Variants in FAF2 observed in about 807,000 individuals in gnomAD.
FAF2 encodes Fas associated factor family member 2.
A neutral mutation model predicts 62.3 loss-of-function variants in FAF2; 9 were observed. The ratio of observed to expected loss-of-function variants is 0.14; its 90% CI spans 0.09 to 0.25. FAF2 has a LOEUF of 0.25. Ranked by LOEUF, FAF2 falls within the 10% of genes least tolerant of loss-of-function variation. The probability of loss-of-function intolerance (pLI) is 1.00; values close to 1 mark genes in which losing one functional copy is unlikely to be tolerated. For missense variants in FAF2, 368 were observed against 556.2 expected (o/e 0.66, Z 3.40); for synonymous variants, 202 against 198.0 (o/e 1.02, Z -0.17).
chr5:176,466,062 G>T (rs2033198), intron 1 of FAF2, among the ~76,000 whole-genome samples: 1 of 152,120 alleles, frequency 6.6e-6, no homozygotes, highest in Non-Finnish European at 1.5e-5. Context: ...TACAGTATCT[G>T]TTTTATTACA....
chr5:176,499,003 A>G lies in FAF2; in HGVS notation c.929A>G (p.Lys310Arg). 2.5e-6 allele frequency: 4 copies of G among 1,613,764 alleles called. No individual in the cohort carries two copies. The highest frequency in any genetic ancestry group is 1.1e-5 in the South Asian group (1 of 91,040). Reference protein sequence around the residue: ...SLRADQEKERKKREERERKRR... With the variant: ...SLRADQEKERRKREERERKRR... ...AGAGCTGACCAGGAGAAAGAAAGAAAGAAACGGGAGGAGCGGGAGCGTAAG... is the reference window on the plus strand; with the variant it reads ...AGAGCTGACCAGGAGAAAGAAAGAAGGAAACGGGAGGAGCGGGAGCGTAAG... Residue 310 changes from lysine to arginine, a missense_variant, in exon 9 of 11, where the codon AAG becomes AGG. Lys to Arg is a conservative substitution (Grantham distance 26). Around this residue, in one of 2 missense-constraint regions of FAF2, gnomAD observed 331 missense variants for 441.9 expected, o/e 0.75. Transcript: ENST00000261942.
intron 1 of FAF2, among the ~76,000 whole-genome samples, chr5:176,471,990 C>T (rs892446303): frequency 1.3e-5 from 2 of 151,048 alleles, no homozygotes; most frequent in South Asian, 2.1e-4. Context: ...CCTATCTGTA[C>T]ATTCTCATCA....
chr5:176,464,321 T>G (rs922865881), intron 1 of FAF2, among the ~76,000 whole-genome samples: 1 of 152,162 alleles, frequency 6.6e-6, no homozygotes, highest in Non-Finnish European at 1.5e-5. Flanking sequence ...ATGTGGTATT[T>G]ATGTATATTC....
chr5:176,448,854 C>G (rs563156141), intron 1 of FAF2, among the ~76,000 whole-genome samples: 20 of 152,322 alleles, frequency 1.3e-4, no homozygotes, highest in African/African-American at 4.3e-4. Context: ...TTTCGGGTCT[C>G]TGACAGGAAA....
intron 1 of FAF2, among the ~76,000 whole-genome samples, chr5:176,469,893 AAG>A (rs986300579): frequency 1.3e-5 from 2 of 152,300 alleles, no homozygotes; most frequent in Admixed American, 6.5e-5. Flanking sequence ...AAATATCTGA[AAG>A]AGAGGAGTCT....
Position 176,507,359 on chromosome 5 carries a change from C to A in FAF2, c.*409C>A, listed in dbSNP as rs1450640537. 2 of 451,788 alleles carry A rather than the reference C, an allele frequency of 4.4e-6. No homozygotes were observed. Among genetic ancestry groups the A allele is most frequent in the Non-Finnish European group, 8.9e-6 (2 of 224,682 alleles). The allele number at this position is 451,788 out of a possible 1,614,324, so 28.0% of individuals were successfully genotyped here. ...AAAACCTCCATCAACCAGCTACTTG[C>A]AGCATCTCCTGAGGACTTGCTTCTC... On this transcript the variant is annotated 3_prime_UTR_variant, in exon 11 of 11. Coordinates refer to ENST00000261942, the MANE Select transcript of FAF2 (RefSeq NM_014613.3).
chr5:176,490,459 T>C (rs962897975), intron 4 of FAF2, among the ~76,000 whole-genome samples: 3 of 152,174 alleles, frequency 2.0e-5, no homozygotes, highest in Non-Finnish European at 4.4e-5. Context: ...GGAGCTGGGA[T>C]ATGTAGTCTG....
intron 1 of FAF2, among the ~76,000 whole-genome samples, chr5:176,449,315 G>A (rs536875862): frequency 2.0e-5 from 3 of 152,296 alleles, no homozygotes; most frequent in South Asian, 2.1e-4. Flanking sequence ...GGTGGCTCAC[G>A]CCTGTAATCC....
At chr5:176,452,239 G>A (rs1758200888) in intron 1 of FAF2, among the ~76,000 whole-genome samples, 1 of 151,822 alleles carries the variant, frequency 6.6e-6, no homozygotes, top group South Asian at 2.1e-4. Context: ...TGTATTTTTA[G>A]TACAGACAAG....
chr5:176,501,000 G>T (rs762977918), intron 10 of FAF2, among the ~76,000 whole-genome samples: 1 of 152,076 alleles, frequency 6.6e-6, no homozygotes, highest in Non-Finnish European at 1.5e-5. Flanking sequence ...GGTGGCACGT[G>T]CCTGTAATCC....
At chr5:176,448,670 G>A (rs1758112578) in intron 1 of FAF2, among the ~76,000 whole-genome samples, 200 bp downstream of exon 1, 1 of 151,820 alleles carries the variant, frequency 6.6e-6, no homozygotes, top group Non-Finnish European at 1.5e-5. Context: ...CATCGCTGCG[G>A]GCAGACCCGC....
At position 176,483,064 on chromosome 5, in the gene FAF2, A is replaced by AT. The variant is rs973437412; in HGVS notation, c.133-3283dup. On this transcript the variant is annotated intron_variant, in intron 2 of 10. Transcript: ENST00000261942. ...TTTTTTATTTATTTTTATTTATTTT[A>AT]TTTTTTTTGAGAGATGGAGTCTTGG... Among the ~76,000 whole-genome samples the AT allele has an allele frequency of 1.1e-4, 16 of 149,602 alleles. No individual in the cohort carries two copies. In the East Asian group the frequency reaches 1.6e-3, roughly 15 times the overall value.
chr5:176,480,255 TA>T (rs1484135813), intron 2 of FAF2, among the ~76,000 whole-genome samples: 1 of 152,152 alleles, frequency 6.6e-6, no homozygotes, highest in Non-Finnish European at 1.5e-5. Flanking sequence ...TATGCTATTT[TA>T]AAAGGGTGCT....
Position 176,494,204 on chromosome 5 carries a change from AAG to A in FAF2, c.591_592del (p.Glu197AspfsTer8). The A allele has an allele frequency of 6.2e-7, 1 of 1,614,146 alleles. No individual in the cohort carries two copies. Among genetic ancestry groups the A allele is most frequent in the Non-Finnish European group, 8.5e-7 (1 of 1,180,010 alleles). ...CACAGCAACACACTCTGTGCACCTG[AAG>A]TTATTTCACTAATAAACACTAGGAT... On this transcript the variant is annotated frameshift_variant, in exon 7 of 11. Coordinates refer to ENST00000261942, the MANE Select transcript of FAF2 (RefSeq NM_014613.3). LOFTEE classifies it high-confidence loss of function. The surrounding 1 kb of genome is among the most constrained non-coding windows in gnomAD (Gnocchi z 4.0).
chr5:176,483,900 C>T (rs1383426404), intron 2 of FAF2, among the ~76,000 whole-genome samples: 2 of 151,980 alleles, frequency 1.3e-5, no homozygotes, highest in African/African-American at 4.8e-5. Flanking sequence ...CATCGTGAAA[C>T]CCCATCGCTA....
At chr5:176,506,180 G>A (rs1228781785) in intron 10 of FAF2, among the ~76,000 whole-genome samples, 1 of 143,800 alleles carries the variant, frequency 7.0e-6, no homozygotes, top group Non-Finnish European at 1.5e-5. Context: ...GGGCAACAGA[G>A]CGAGACTCTC....
At position 176,450,718 on chromosome 5, in the gene FAF2, G is replaced by C. The variant is rs541863230; in HGVS notation, c.63+2248G>C. On this transcript the variant is annotated intron_variant, in intron 1 of 10. Coordinates refer to ENST00000261942, the MANE Select transcript of FAF2 (RefSeq NM_014613.3). ...ACAGGCACGCGCCACCACATCCAGC[G>C]AATTTTTTGTATTTTTAGTAGAGAC... is the stretch of plus-strand genomic sequence containing the variant. Among the ~76,000 whole-genome samples, 8 of 152,060 alleles carry C rather than the reference G, an allele frequency of 5.3e-5. No homozygotes were observed. In the South Asian group the frequency reaches 1.7e-3, roughly 32 times the overall value.
intron 10 of FAF2, among the ~76,000 whole-genome samples, chr5:176,504,739 A>G (rs1452926916): frequency 6.6e-6 from 1 of 152,226 alleles, no homozygotes; most frequent in East Asian, 1.9e-4. Flanking sequence ...CTAAAATATG[A>G]GAAGTTTATA....
At chr5:176,473,239 A>G (rs544516146) in intron 1 of FAF2, among the ~76,000 whole-genome samples, 160 of 152,114 alleles carry the variant, frequency 1.1e-3, no homozygotes, top group African/African-American at 3.8e-3. Flanking sequence ...CAGTTTCTTG[A>G]GCTTTTATTG....
Sources: allele counts gnomAD v4.1 joint callset (sites outside exome capture counted in the v4.1 genomes callset), GRCh38; gene constraint gnomAD v4.1.1; regional missense constraint gnomAD v4.1.1; non-coding constraint Gnocchi (gnomAD v3.1); transcripts MANE v1.5; gene names NCBI Gene and HGNC (gene_info 2026-07-23, HGNC 2026-07-21).